ARNT: variants seen among roughly 807,000 people sequenced by gnomAD.
ARNT encodes the protein class E basic helix-loop-helix protein 2.
A neutral mutation model predicts 105.0 loss-of-function variants in ARNT; 30 were observed. The observed-to-expected ratio is 0.29, with a 90% CI of 0.21 to 0.39. ARNT has a LOEUF of 0.39. ARNT is among the 10% of genes least tolerant of loss of function. The pLI is 1.00. For synonymous variants in ARNT, 304 were observed against 344.0 expected (o/e 0.88, Z 1.29); for missense variants, 748 against 978.7 (o/e 0.76, Z 3.15).
chr1:150,875,231 T>G (rs1016973314), intron 1 of ARNT, among the ~76,000 whole-genome samples: 3 of 152,148 alleles, frequency 2.0e-5, no homozygotes, highest in Non-Finnish European at 2.9e-5. Context: ...AATGTAATTT[T>G]TGCGATTAAT....
At chr1:150,812,399 T>G (rs1328001725) in intron 21 of ARNT, among the ~76,000 whole-genome samples, 1 of 152,206 alleles carries the variant, frequency 6.6e-6, no homozygotes, top group Non-Finnish European at 1.5e-5. Flanking sequence ...CCTATAGACA[T>G]ATATGGAGTC....
In ARNT at chr1:150,823,325, T is replaced by A; in HGVS notation, c.1263A>T (p.Gln421His). 6.2e-7 allele frequency: 1 copy of A among 1,605,280 alleles called. No homozygotes were observed. ...GGAACCGGAACATGACAGACAGCACTTGGCCTTTTAATTTCACTACCTGAA... is the reference window on the plus strand; with the variant it reads ...GGAACCGGAACATGACAGACAGCACATGGCCTTTTAATTTCACTACCTGAA... Reference protein sequence around the residue: ...SFQQVVKLKGQVLSVMFRFRS... With the variant: ...SFQQVVKLKGHVLSVMFRFRS... Residue 421 changes from glutamine to histidine, a missense_variant, in exon 14 of 22, where the codon CAA (glutamine) becomes CAT (histidine). This residue lies in a region of ARNT where 291 missense variants were observed against 444.6 expected (regional missense o/e 0.65). Coordinates refer to ENST00000358595, the MANE Select transcript of ARNT (RefSeq NM_001668.4).
At chr1:150,848,925 C>T (rs942894816) in intron 3 of ARNT, among the ~76,000 whole-genome samples, 4 of 152,020 alleles carry the variant, frequency 2.6e-5, no homozygotes, top group African/African-American at 7.3e-5. Flanking sequence ...AGAAATGGGC[C>T]GGGTGTGGTG....
intron 1 of ARNT, among the ~76,000 whole-genome samples, chr1:150,866,713 G>A (rs1035711595): frequency 2.7e-5 from 4 of 150,842 alleles, no homozygotes; most frequent in African/African-American, 9.9e-5. Flanking sequence ...ACACACACAC[G>A]TATATTTGGC....
At chr1:150,833,159 T>G (rs1023398811) in intron 8 of ARNT, among the ~76,000 whole-genome samples, 1 of 152,152 alleles carries the variant, frequency 6.6e-6, no homozygotes, top group Non-Finnish European at 1.5e-5. Context: ...AGAATTCAAA[T>G]CCATAGAATA....
chr1:150,871,592 T>G (rs1270146313), intron 1 of ARNT, among the ~76,000 whole-genome samples: 1 of 147,172 alleles, frequency 6.8e-6, no homozygotes, highest in African/African-American at 2.5e-5. Flanking sequence ...TGAGCCACCA[T>G]GCCCGGCCAA....
chr1:150,872,617 C>A (rs1456192527), intron 1 of ARNT, among the ~76,000 whole-genome samples: 1 of 152,138 alleles, frequency 6.6e-6, no homozygotes, highest in Non-Finnish European at 1.5e-5. Context: ...TAATCTCCTC[C>A]CAACTGTTCC....
At chr1:150,860,441 C>A (rs1665423103) in intron 1 of ARNT, among the ~76,000 whole-genome samples, 1 of 151,184 alleles carries the variant, frequency 6.6e-6, no homozygotes, top group Admixed American at 6.6e-5. Flanking sequence ...GTCTTTAACT[C>A]CTGACCTCAA....
At chr1:150,860,073 A>G (rs1275644918) in intron 1 of ARNT, among the ~76,000 whole-genome samples, 1 of 150,478 alleles carries the variant, frequency 6.6e-6, no homozygotes, top group East Asian at 2.0e-4. Flanking sequence ...CTTGCTCGTC[A>G]TTTCAATATA....
chr1:150,833,256 C>T (rs587713878), intron 8 of ARNT, among the ~76,000 whole-genome samples: 6 of 152,300 alleles, frequency 3.9e-5, no homozygotes, highest in Admixed American at 2.0e-4. Flanking sequence ...GTAATCTCAG[C>T]ACTTTGGGAG....
At chr1:150,812,867 TTTTG>T (rs1442496395) in intron 21 of ARNT, among the ~76,000 whole-genome samples, 1 of 152,198 alleles carries the variant, frequency 6.6e-6, no homozygotes, top group Non-Finnish European at 1.5e-5. Context: ...CATACTCCTT[TTTTG>T]TTTGTTTGAC....
At chr1:150,872,025 C>T (rs1414839167) in intron 1 of ARNT, among the ~76,000 whole-genome samples, 4 of 151,380 alleles carry the variant, frequency 2.6e-5, no homozygotes, top group Non-Finnish European at 5.9e-5. Flanking sequence ...GGCATGATCA[C>T]AGCTCACTGC....
chr1:150,867,056 A>G (rs1265937597), intron 1 of ARNT, among the ~76,000 whole-genome samples: 1 of 151,748 alleles, frequency 6.6e-6, no homozygotes, highest in Non-Finnish European at 1.5e-5. Flanking sequence ...AGATACAAAA[A>G]ATTAGCCAGG....
chr1:150,836,529 C>T, intron 6 of ARNT, 36 bp from the exon 7 acceptor site: 2 of 1,587,440 alleles, frequency 1.3e-6, no homozygotes, highest in East Asian at 4.5e-5. Flanking sequence ...TAATATTTTA[C>T]TCTGAAAAAA....
intron 3 of ARNT, among the ~76,000 whole-genome samples, chr1:150,850,407 G>C (rs587648799): frequency 3.3e-5 from 5 of 152,164 alleles, no homozygotes; most frequent in East Asian, 3.8e-4. Flanking sequence ...TCAGCCTGCC[G>C]AGTGCCTGCG....
Position 150,810,400 on chromosome 1 carries a change from T to C in ARNT, c.*1621A>G, listed in dbSNP as rs966374487. 2.2e-5 allele frequency: 5 copies of C among 222,478 alleles called. No individual in the cohort carries two copies. Among genetic ancestry groups the C allele is most frequent in the Non-Finnish European group, 4.5e-5 (5 of 111,038 alleles). 13.8% of individuals were successfully genotyped at this position (222,478 alleles called of 1,614,324 possible). A position where few individuals can be genotyped will look rare whatever the true frequency, so the allele number is the denominator to read the frequency against. On this transcript the variant is annotated 3_prime_UTR_variant, in exon 22 of 22. Coordinates refer to ENST00000358595, the MANE Select transcript of ARNT (RefSeq NM_001668.4). ...AACTTTTTGGTTTCGTAAATTGTGA[T>C]ATAAATATATATGTATACTGTAAGT... is the stretch of plus-strand genomic sequence containing the variant.
At chr1:150,817,857 G>A (rs988071322) in intron 15 of ARNT, 63 bp downstream of exon 15, 86 of 1,246,810 alleles carry the variant, frequency 6.9e-5, no homozygotes, top group Non-Finnish European at 7.1e-5. Context: ...AAAAATATAT[G>A]GGATTGCAAA....
intron 13 of ARNT, among the ~76,000 whole-genome samples, chr1:150,824,162 A>G (rs889619244): frequency 6.6e-6 from 1 of 151,626 alleles, no homozygotes; most frequent in Non-Finnish European, 1.5e-5. Flanking sequence ...CTTTCTTATT[A>G]GGTTGGTGCA....
chr1:150,813,295 T>G lies in ARNT; in HGVS notation c.2157A>C (p.Thr719=), dbSNP rs774712704. ...GQTAGQFQTR[T]AEGVGVWPQW... ...GTGGCCAGACACCCACACCCTCTGC[T>G]GTCCGTGTCTGGAATTGTCCTGCAG... is the stretch of plus-strand genomic sequence containing the variant. Residue 719 remains threonine, a synonymous_variant, in exon 21 of 22, where the codon ACA becomes ACC. Transcript: ENST00000358595. 59 of 1,613,718 alleles carry G rather than the reference T, an allele frequency of 3.7e-5. No individual in the cohort carries two copies. The highest frequency in any genetic ancestry group is 4.9e-5 in the Non-Finnish European group (58 of 1,179,818).
Sources: gnomAD v4.1 joint callset for allele counts (sites outside exome capture counted in the v4.1 genomes callset) on GRCh38, gnomAD v4.1.1 for gene constraint, gnomAD v4.1.1 regional missense constraint, MANE v1.5 for transcripts, NCBI Gene and HGNC (gene_info 2026-07-23, HGNC 2026-07-21) for gene names.